Variants in TC2N observed in about 807,000 individuals in gnomAD.
TC2N encodes the protein tandem C2 domains nuclear protein.
Under a neutral mutation model 61.9 loss-of-function variants are expected in TC2N, and 51 were observed. That is an observed-to-expected ratio of 0.82 (90% CI 0.66 to 1.04). TC2N has a LOEUF of 1.04. Ranked by LOEUF, TC2N falls within the 50% of genes least tolerant of loss-of-function variation. TC2N has a pLI of 0.00. For synonymous variants in TC2N, 204 were observed against 192.6 expected, an observed-to-expected ratio of 1.06 and a Z score of -0.49; for missense variants, 556 against 566.7, an observed-to-expected ratio of 0.98 and a Z score of 0.19.
chr14:91,791,887 C>A (rs1045884300), intron 9 of TC2N, among the ~76,000 whole-genome samples: 2 of 151,992 alleles, frequency 1.3e-5, no homozygotes, highest in African/African-American at 4.8e-5. Flanking sequence ...GAGACCGAGG[C>A]GGGCAGATCA....
chr14:91,799,529 A>C (rs950359961), intron 5 of TC2N, among the ~76,000 whole-genome samples: 49 of 152,244 alleles, frequency 3.2e-4, no homozygotes, highest in African/African-American at 1.1e-3. Flanking sequence ...TCTGAGGATG[A>C]AGCCTGTCAT....
At chr14:91,855,166 A>G (rs939132239) in intron 1 of TC2N, among the ~76,000 whole-genome samples, 1 of 152,148 alleles carries the variant, frequency 6.6e-6, no homozygotes, top group Admixed American at 6.5e-5. Context: ...GGAGGGCTGA[A>G]AAGCAGGTTC....
At chr14:91,817,865 C>T (rs1244254037) in intron 1 of TC2N, among the ~76,000 whole-genome samples, 2 of 151,958 alleles carry the variant, frequency 1.3e-5, no homozygotes, top group African/African-American at 4.8e-5. Flanking sequence ...AAAATGAACA[C>T]CCAGTAATAC....
At position 91,812,506 on chromosome 14, in the gene TC2N, C is replaced by G. The variant is rs1194433670; in HGVS notation, c.107G>C (p.Ser36Thr). Residue 36 changes from serine to threonine, a missense_variant, in exon 3 of 12, where the codon AGT becomes ACT. Transcript: ENST00000435962. Reference sequence around the variant, plus strand: ...AGGTACAGAGATAGTAGCATTTTGACTATTTGGGACTGCTGCTTTAAAATC... The same window carrying G: ...AGGTACAGAGATAGTAGCATTTTGAGTATTTGGGACTGCTGCTTTAAAATC... ...ERDFKAAVPN[S>T]QNATISVPPL... 6.3e-7 allele frequency: 1 copy of G among 1,597,362 alleles called. No homozygotes were observed. The highest frequency in any genetic ancestry group is 1.3e-5 in the African/African-American group (1 of 74,572).
intron 1 of TC2N, among the ~76,000 whole-genome samples, chr14:91,835,721 C>G (rs1007518698): frequency 4.6e-5 from 7 of 152,256 alleles, no homozygotes; most frequent in African/African-American, 1.7e-4. Flanking sequence ...TAAAGGGACA[C>G]TTTTAACACC....
intron 3 of TC2N, among the ~76,000 whole-genome samples, chr14:91,809,177 A>G (rs1886656996): frequency 6.6e-6 from 1 of 152,174 alleles, no homozygotes; most frequent in African/African-American, 2.4e-5. Context: ...TTGGGAGCCC[A>G]AGGTGGGTGG....
At chr14:91,825,436 T>C (rs963977450) in intron 1 of TC2N, among the ~76,000 whole-genome samples, 7 of 152,198 alleles carry the variant, frequency 4.6e-5, no homozygotes, top group Non-Finnish European at 1.0e-4. Flanking sequence ...GGTTTGCCTT[T>C]CAAATTCTTT....
At chr14:91,847,163 T>C (rs898067011) in intron 1 of TC2N, among the ~76,000 whole-genome samples, 1 of 150,096 alleles carries the variant, frequency 6.7e-6, no homozygotes, top group African/African-American at 2.5e-5. Flanking sequence ...GAGGCTGAGG[T>C]AGGAGAATTG....
At chr14:91,825,855 T>C (rs112742078) in intron 1 of TC2N, among the ~76,000 whole-genome samples, 57 of 152,358 alleles carry the variant, frequency 3.7e-4, no homozygotes, top group African/African-American at 1.3e-3. Context: ...GGCTATCTTA[T>C]TGATATTGAT....
At chr14:91,798,146 C>T (rs1886005257) in intron 7 of TC2N, among the ~76,000 whole-genome samples, 153 bp downstream of exon 7, 1 of 151,808 alleles carries the variant, frequency 6.6e-6, no homozygotes, top group Admixed American at 6.6e-5. Flanking sequence ...TCTTAGATGC[C>T]TTATTAAATA....
At chr14:91,821,050 C>T (rs975460223) in intron 1 of TC2N, among the ~76,000 whole-genome samples, 1 of 151,884 alleles carries the variant, frequency 6.6e-6, no homozygotes, top group Non-Finnish European at 1.5e-5. Context: ...TGGCAATACT[C>T]CCCAAATTGA....
chr14:91,792,118 C>CAA (rs748783667), intron 9 of TC2N, among the ~76,000 whole-genome samples: 5 of 136,190 alleles, frequency 3.7e-5, no homozygotes, highest in African/African-American at 1.3e-4. Flanking sequence ...GACTCCATCT[C>CAA]AAAGAAAAAA....
chr14:91,803,428 C>T (rs28654641), intron 3 of TC2N, among the ~76,000 whole-genome samples: 71 of 147,132 alleles, frequency 4.8e-4, no homozygotes, highest in Admixed American at 8.8e-4. Context: ...CACACACACA[C>T]ATATATATAT....
chr14:91,787,473 A>C (rs1041372706), intron 10 of TC2N, 40 bp downstream of exon 10: 2 of 1,212,342 alleles, frequency 1.6e-6, no homozygotes. Context: ...TATTACTAAT[A>C]CTTTCTGAAG....
At position 91,812,329 on chromosome 14, in the gene TC2N, T is replaced by C; in HGVS notation, c.284A>G (p.His95Arg). 3 of 1,596,124 alleles carry C rather than the reference T, an allele frequency of 1.9e-6. No individual in the cohort carries two copies. Among genetic ancestry groups the C allele is most frequent in the Non-Finnish European group, 1.7e-6 (2 of 1,168,068 alleles). ...IQPRTQETPS[H>R]LEELEGSARA... ...TTGTTTACCTTCAAGTTCTTCCAGA[T>C]GTGAAGGAGTTTCTTGTGTCCTGGG... is the stretch of plus-strand genomic sequence containing the variant. The change falls in exon 3 of 12, where the codon CAT becomes CGT. Residue 95 changes from histidine to arginine, a missense_variant. His to Arg is a conservative substitution (Grantham distance 29, BLOSUM62 0). Coordinates refer to ENST00000435962, the MANE Select transcript of TC2N (RefSeq NM_001128596.3).
chr14:91,801,358 A>T (rs762727153), intron 4 of TC2N, among the ~76,000 whole-genome samples: 3 of 152,222 alleles, frequency 2.0e-5, no homozygotes, highest in Non-Finnish European at 2.9e-5. Flanking sequence ...AGTGAAATGC[A>T]TACAAAATAA....
intron 8 of TC2N, among the ~76,000 whole-genome samples, chr14:91,796,788 C>G (rs771169641): frequency 5.9e-5 from 9 of 152,050 alleles, no homozygotes; most frequent in Non-Finnish European, 5.9e-5. Flanking sequence ...TTCTCCAAAG[C>G]TGCAAGAGAG....
intron 3 of TC2N, among the ~76,000 whole-genome samples, chr14:91,809,126 T>C (rs1416987397): frequency 1.3e-5 from 2 of 152,174 alleles, no homozygotes; most frequent in South Asian, 2.1e-4. Flanking sequence ...AAAATTAAAA[T>C]TGGGCCAGGC....
chr14:91,841,950 T>C (rs986691655), intron 1 of TC2N, among the ~76,000 whole-genome samples: 12 of 151,466 alleles, frequency 7.9e-5, no homozygotes, highest in Admixed American at 2.6e-4. Context: ...ATTATGCAGA[T>C]TGTACCATCC....
Sources: allele counts gnomAD v4.1 joint callset (sites outside exome capture counted in the v4.1 genomes callset), GRCh38; gene constraint gnomAD v4.1.1; transcripts MANE v1.5; gene names NCBI Gene and HGNC (gene_info 2026-07-23, HGNC 2026-07-21).